The following DOCK1 variants were observed in gnomAD, a reference collection of about 807,000 sequenced individuals.
The protein encoded by DOCK1 is dedicator of cytokinesis protein 1.
In DOCK1, 138 loss-of-function variants were observed where a neutral mutation model predicts 262.7. The observed-to-expected ratio is 0.53, with a 90% CI of 0.46 to 0.61. The LOEUF is 0.61. Among genes scored for constraint, DOCK1 ranks in the 20% least tolerant of loss-of-function variants. DOCK1 has a pLI of 0.00. For synonymous variants in DOCK1, 866 were observed against 867.4 expected (o/e 1.00, Z 0.03); for missense variants, 1,908 against 2,370.7 (o/e 0.80, Z 4.05).
chr10:127,004,764 G>GCCCCCCCCCCCCC (rs1378202180), intron 10 of DOCK1, among the ~76,000 whole-genome samples: 2 of 14,926 alleles, frequency 1.3e-4, no homozygotes, highest in African/African-American at 4.9e-4. Flanking sequence ...ACGGCCCCCT[G>GCCCCCCCCCCCCC]CCCCGCCACC....
intron 29 of DOCK1, among the ~76,000 whole-genome samples, chr10:127,313,671 C>A (rs983657881): frequency 6.6e-6 from 1 of 152,142 alleles, no homozygotes; most frequent in Admixed American, 6.6e-5. Context: ...TCCTCCACCC[C>A]TCTCGACCCG....
chr10:127,095,536 C>T (rs2047855491), intron 23 of DOCK1, among the ~76,000 whole-genome samples: 1 of 152,208 alleles, frequency 6.6e-6, no homozygotes, highest in South Asian at 2.1e-4. Flanking sequence ...ACGGTCATTG[C>T]TGCATGGCAC....
chr10:127,388,959 G>A (rs181150361), intron 38 of DOCK1, among the ~76,000 whole-genome samples: 5 of 152,320 alleles, frequency 3.3e-5, no homozygotes, highest in East Asian at 3.9e-4. Flanking sequence ...TGAGAAAGAC[G>A]ACGTCCACAC....
chr10:127,058,609 A>C (rs2045329306), intron 22 of DOCK1, among the ~76,000 whole-genome samples: 1 of 151,244 alleles, frequency 6.6e-6, no homozygotes, highest in Non-Finnish European at 1.5e-5. Flanking sequence ...CTTTTATACC[A>C]GTTACACTTT....
chr10:127,239,699 G>A (rs1385684139), intron 27 of DOCK1, among the ~76,000 whole-genome samples: 1 of 152,040 alleles, frequency 6.6e-6, no homozygotes, highest in Non-Finnish European at 1.5e-5. Flanking sequence ...CTATTATAGT[G>A]TGTTTTCAGA....
rs1273006046 is a variant in DOCK1, at chr10:126,948,407, C to G, written c.47-22295C>G. ...GTGATGGTGGTGGTTGGTAGTATTA[C>G]TGTTGGTGGTGATGGTGGTGGTGGT... On this transcript the variant is annotated intron_variant, in intron 1 of 51. Transcript: ENST00000623213. Among the ~76,000 whole-genome samples, 2 of 66,492 alleles carry G rather than the reference C, an allele frequency of 3.0e-5. 1 individual carries two copies. Among genetic ancestry groups the G allele is most frequent in the Non-Finnish European group, 6.7e-5 (2 of 29,892 alleles). 43.6% of individuals were successfully genotyped at this position (66,492 alleles called of 152,430 possible). A position where few individuals can be genotyped will look rare whatever the true frequency, so the allele number is the denominator to read the frequency against.
At chr10:127,410,357 A>T (rs2067770523) in intron 42 of DOCK1, among the ~76,000 whole-genome samples, 1 of 152,172 alleles carries the variant, frequency 6.6e-6, no homozygotes, top group Non-Finnish European at 1.5e-5. Context: ...AATCAGTCTC[A>T]GTCTCTCCAC....
intron 45 of DOCK1, 139 bp downstream of exon 45, chr10:127,418,680 C>T: frequency 2.6e-6 from 3 of 1,151,206 alleles, no homozygotes; most frequent in Non-Finnish European, 3.5e-6. Context: ...GGCCAGGCAG[C>T]AGCAGCCAGT....
At chr10:126,992,260 T>C (rs982942069) in intron 6 of DOCK1, among the ~76,000 whole-genome samples, 11 of 152,200 alleles carry the variant, frequency 7.2e-5, no homozygotes, top group African/African-American at 2.7e-4. Flanking sequence ...TTTAAACTTA[T>C]GTTCAGAGAC....
At chr10:127,145,015 A>G in intron 27 of DOCK1, among the ~76,000 whole-genome samples, 1 of 152,196 alleles carries the variant, frequency 6.6e-6, no homozygotes, top group African/African-American at 2.4e-5. Flanking sequence ...CCAAAGTTAG[A>G]GTTAGACGAT....
chr10:127,151,735 C>A (rs2133473317), intron 27 of DOCK1, among the ~76,000 whole-genome samples: 1 of 152,308 alleles, frequency 6.6e-6, no homozygotes, highest in South Asian at 2.1e-4. Context: ...TCGCCCTCTA[C>A]CTAGTGAGTC....
At chr10:127,403,378 C>T (rs2067334251) in intron 39 of DOCK1, among the ~76,000 whole-genome samples, 2 of 152,214 alleles carry the variant, frequency 1.3e-5, no homozygotes, top group African/African-American at 4.8e-5. Flanking sequence ...CTTAAGGCTT[C>T]TATGAATAAA....
intron 31 of DOCK1, among the ~76,000 whole-genome samples, chr10:127,352,436 G>A (rs2063932050): frequency 6.6e-6 from 1 of 152,110 alleles, no homozygotes. Context: ...AACCGCAAGT[G>A]GAAAATCCAC....
At chr10:127,110,176 T>C in intron 24 of DOCK1, 72 bp from the exon 25 acceptor site, 2 of 1,264,494 alleles carry the variant, frequency 1.6e-6, no homozygotes, top group Non-Finnish European at 2.3e-6. Context: ...GACCTATATC[T>C]CAGTATTGTA....
intron 25 of DOCK1, among the ~76,000 whole-genome samples, chr10:127,124,114 T>C (rs1440627217): frequency 6.6e-6 from 1 of 152,182 alleles, no homozygotes; most frequent in African/African-American, 2.4e-5. Flanking sequence ...TCTTTGTTTC[T>C]CTCTGCCTGC....
chr10:127,315,060 G>A (rs2062214896), intron 29 of DOCK1, among the ~76,000 whole-genome samples: 1 of 151,540 alleles, frequency 6.6e-6, no homozygotes, highest in Admixed American at 6.6e-5. Flanking sequence ...CCCAGGGCCT[G>A]AAACCTGGGA....
intron 43 of DOCK1, 29 bp from the exon 44 acceptor site, chr10:127,415,123 C>T (rs572042764): frequency 6.9e-6 from 11 of 1,597,718 alleles, no homozygotes; most frequent in South Asian, 5.6e-5. Flanking sequence ...CCTTCTAACC[C>T]GTGTTGTGTG....
chr10:127,387,916 C>CA (rs1371721575), intron 38 of DOCK1, among the ~76,000 whole-genome samples: 3 of 149,970 alleles, frequency 2.0e-5, no homozygotes, highest in Non-Finnish European at 4.4e-5. Context: ...GATAGTTCAT[C>CA]AAAAAAATCA....
chr10:126,931,687 A>G (rs2034198974), intron 1 of DOCK1, among the ~76,000 whole-genome samples: 1 of 152,124 alleles, frequency 6.6e-6, no homozygotes, highest in Non-Finnish European at 1.5e-5. Flanking sequence ...GCCATTCTGA[A>G]GCGGGAGGTG....
Sources: gnomAD v4.1 joint callset for allele counts (sites outside exome capture counted in the v4.1 genomes callset) on GRCh38, gnomAD v4.1.1 for gene constraint, MANE v1.5 for transcripts, NCBI Gene and HGNC (gene_info 2026-07-23, HGNC 2026-07-21) for gene names.